Variants in CFAP97 observed in about 807,000 individuals in gnomAD.
CFAP97 encodes cilia and flagella associated protein 97.
Under a neutral mutation model 43.1 loss-of-function variants are expected in CFAP97, and 36 were observed. That is an observed-to-expected ratio of 0.84 (90% CI 0.64 to 1.10). The LOEUF is 1.10. Among genes scored for constraint, CFAP97 ranks in the 50% least tolerant of loss-of-function variants. CFAP97 has a pLI of 0.00. For missense variants in CFAP97, 657 were observed against 620.3 expected (o/e 1.06, Z -0.63); for synonymous variants, 228 against 225.7 (o/e 1.01, Z -0.09).
intron 1 of CFAP97, among the ~76,000 whole-genome samples, chr4:185,195,738 G>A (rs534312846): frequency 1.3e-5 from 2 of 152,302 alleles, no homozygotes; most frequent in South Asian, 2.1e-4. Flanking sequence ...GACTATGGCT[G>A]ATCATAATCT....
intron 2 of CFAP97, among the ~76,000 whole-genome samples, chr4:185,186,792 A>G (rs1007284269): frequency 6.6e-6 from 1 of 152,196 alleles, no homozygotes; most frequent in Non-Finnish European, 1.5e-5. Context: ...AATATGGTAA[A>G]TATTTACAGA....
intron 1 of CFAP97, among the ~76,000 whole-genome samples, chr4:185,196,916 G>A (rs1268474355): frequency 6.6e-6 from 1 of 151,864 alleles, no homozygotes; most frequent in Non-Finnish European, 1.5e-5. Flanking sequence ...CCTGGCCAAC[G>A]TGGTGAAACC....
upstream of CFAP97, among the ~76,000 whole-genome samples, chr4:185,207,487 G>A (rs887765373): frequency 6.6e-6 from 1 of 152,072 alleles, no homozygotes; most frequent in East Asian, 1.9e-4. Flanking sequence ...CAAAGTGCTG[G>A]GATTACAAGC....
intron 1 of CFAP97, among the ~76,000 whole-genome samples, chr4:185,198,541 G>A (rs1317522189): frequency 3.3e-5 from 5 of 151,530 alleles, no homozygotes; most frequent in Non-Finnish European, 5.9e-5. Context: ...TGTAATCCCA[G>A]AACTTTGGGA....
rs1052139550 is a variant in CFAP97, at chr4:185,161,552, G to A, written c.*1246C>T. On this transcript the variant is annotated 3_prime_UTR_variant, in exon 5 of 5. Transcript: ENST00000458385. ...AAAAGGCTAGTAGTGAAAAACGGCGGTAACAATGAGATAACATACTTTGTT... is the reference window on the plus strand; with the variant it reads ...AAAAGGCTAGTAGTGAAAAACGGCGATAACAATGAGATAACATACTTTGTT... The A allele has an allele frequency of 1.3e-5, 2 of 152,088 alleles. No homozygotes were observed. Among genetic ancestry groups the A allele is most frequent in the African/African-American group, 4.8e-5 (2 of 41,420 alleles). 9.4% of individuals were successfully genotyped at this position (152,088 alleles called of 1,614,324 possible).
intron 2 of CFAP97, among the ~76,000 whole-genome samples, chr4:185,182,875 G>A (rs943424541): frequency 2.6e-5 from 4 of 152,064 alleles, no homozygotes; most frequent in Admixed American, 6.5e-5. Flanking sequence ...TGACACGGGC[G>A]GATCATCTGA....
In CFAP97 at chr4:185,162,615, ACT is replaced by A; in HGVS notation, c.*181_*182del. 2 of 628,730 alleles carry A rather than the reference ACT, an allele frequency of 3.2e-6. No homozygotes were observed. The highest frequency in any genetic ancestry group is 5.4e-6 in the Non-Finnish European group (2 of 371,038). 38.9% of individuals were successfully genotyped at this position (628,730 alleles called of 1,614,324 possible). A position where few individuals can be genotyped will look rare whatever the true frequency, so the allele number is the denominator to read the frequency against. ...TCATATAAATACATCCTCAGGAAACACTTTTTACATTAAATCGTTTTTTGACA... is the reference window on the plus strand; with the variant it reads ...TCATATAAATACATCCTCAGGAAACATTTTACATTAAATCGTTTTTTGACA... On this transcript the variant is annotated 3_prime_UTR_variant, in exon 5 of 5. Coordinates refer to ENST00000458385, the MANE Select transcript of CFAP97 (RefSeq NM_020827.3).
At chr4:185,204,059 C>T (rs1003752735), upstream of CFAP97, 2 of 150,156 alleles carry the variant, frequency 1.3e-5, no homozygotes, top group African/African-American at 4.8e-5. Flanking sequence ...GGCGGGGGCG[C>T]ACGCCGGGCC....
In CFAP97 at chr4:185,202,405, C is replaced by A. The variant is rs1036505126; in HGVS notation, c.-17+1493G>T. 9.9e-5 allele frequency among the ~76,000 whole-genome samples: 15 copies of A among 152,212 alleles called. No individual in the cohort carries two copies. The East Asian group carries it at 2.5e-3, about 25-fold the overall frequency. ...CTCTACAAAAAATACAAAAATTAGC[C>A]GGGCGTTGTAGCTCTCGCCTGTAGT... On this transcript the variant is annotated intron_variant, in intron 1 of 4. Transcript: ENST00000458385.
intron 1 of CFAP97, among the ~76,000 whole-genome samples, chr4:185,198,170 T>C (rs1159393819): frequency 6.6e-6 from 1 of 152,138 alleles, no homozygotes. Context: ...CAGCCGGGTG[T>C]GGTGGCTCAC....
upstream of CFAP97, chr4:185,209,822 G>A (rs1424596737): frequency 1.0e-6 from 1 of 983,628 alleles, no homozygotes; most frequent in Non-Finnish European, 1.2e-6. The surrounding 1 kb of genome is among the most constrained non-coding windows in gnomAD (Gnocchi z 5.2). Flanking sequence ...GGCCCAGGAA[G>A]CAGCATGCAC....
intron 1 of CFAP97, among the ~76,000 whole-genome samples, chr4:185,201,092 G>T (rs1736802004): frequency 6.6e-6 from 1 of 152,120 alleles, no homozygotes; most frequent in Admixed American, 6.6e-5. Context: ...GGGAGGCCGA[G>T]GTGGGTGGAT....
At chr4:185,192,722 G>A (rs1241298925) in intron 1 of CFAP97, among the ~76,000 whole-genome samples, 3 of 140,156 alleles carry the variant, frequency 2.1e-5, no homozygotes, top group African/African-American at 2.8e-5. Flanking sequence ...CTTAAGATCA[G>A]AATTGACCTT....
chr4:185,165,902 C>T (rs568023809), intron 3 of CFAP97, among the ~76,000 whole-genome samples: 1 of 152,098 alleles, frequency 6.6e-6, no homozygotes, highest in African/African-American at 2.4e-5. Context: ...GAAGAATAAG[C>T]CAAGATATCC....
intron 2 of CFAP97, among the ~76,000 whole-genome samples, chr4:185,187,793 T>C (rs981597147): frequency 6.6e-6 from 1 of 151,740 alleles, no homozygotes; most frequent in Admixed American, 6.6e-5. Flanking sequence ...AGCCTAGGCA[T>C]CAGTATTTGT....
Position 185,191,045 on chromosome 4 carries a change from A to C in CFAP97, c.152T>G (p.Val51Gly). The C allele has an allele frequency of 6.2e-7, 1 of 1,613,420 alleles. No homozygotes were observed. Among genetic ancestry groups the C allele is most frequent in the Non-Finnish European group, 8.5e-7 (1 of 1,179,672 alleles). The change falls in exon 2 of 5, where the codon GTA becomes GGA. Residue 51 changes from valine (V) to glycine (G), a missense_variant. Coordinates refer to ENST00000458385, the MANE Select transcript of CFAP97 (RefSeq NM_020827.3). ...KERIDKDTKN[V>G]NSNTGMQTTE... is the part of the protein sequence containing the mutation. ...TGTTTGCATTCCAGTGTTCGAATTT[A>C]CATTTTTTGTATCTTTATCTATTCT...
intron 1 of CFAP97, among the ~76,000 whole-genome samples, chr4:185,199,773 T>C (rs1471431764): frequency 1.3e-5 from 2 of 152,224 alleles, no homozygotes; most frequent in Non-Finnish European, 2.9e-5. Context: ...ACAGCACACC[T>C]ATTTACAGCC....
chr4:185,166,752 C>T (rs1735087081), intron 3 of CFAP97, among the ~76,000 whole-genome samples: 1 of 152,090 alleles, frequency 6.6e-6, no homozygotes, highest in South Asian at 2.1e-4. Flanking sequence ...ACCATGTGTC[C>T]ATCTGAGTGT....
At chr4:185,187,618 G>C (rs769163157) in intron 2 of CFAP97, among the ~76,000 whole-genome samples, 1 of 151,944 alleles carries the variant, frequency 6.6e-6, no homozygotes, top group Non-Finnish European at 1.5e-5. Context: ...GAAAAAACCC[G>C]GAGTGTCCTT....
Sources: allele counts gnomAD v4.1 joint callset (sites outside exome capture counted in the v4.1 genomes callset), GRCh38; gene constraint gnomAD v4.1.1; non-coding constraint Gnocchi (gnomAD v3.1); transcripts MANE v1.5; gene names NCBI Gene and HGNC (gene_info 2026-07-23, HGNC 2026-07-21).